The following NFKB1 variants were observed in gnomAD, a reference collection of about 807,000 sequenced individuals.
NFKB1 encodes nuclear factor kappa B subunit 1.
In NFKB1, 9 loss-of-function variants were observed where a neutral mutation model predicts 105.1. The ratio of observed to expected loss-of-function variants is 0.09; its 90% confidence interval spans 0.05 to 0.15. The LOEUF (loss-of-function observed/expected upper bound fraction) is 0.15. Ranked by LOEUF, NFKB1 falls within the 10% of genes least tolerant of loss-of-function variation. The pLI, the probability that NFKB1 is intolerant of heterozygous loss-of-function variation, is 1.00. For synonymous variants in NFKB1, 440 were observed against 442.2 expected (o/e 1.00, Z 0.06); for missense variants, 830 against 1,203.7 (o/e 0.69, Z 4.59).
At chr4:102,510,971 T>C in intron 1 of NFKB1, 1 of 1,275,394 alleles carries the variant, frequency 7.8e-7, no homozygotes, top group South Asian at 1.3e-5. Context: ...AGAAAAAGAG[T>C]GTTAAAAAGT....
intron 1 of NFKB1, among the ~76,000 whole-genome samples, chr4:102,524,318 G>T (rs181611737): frequency 6.6e-6 from 1 of 152,228 alleles, no homozygotes; most frequent in African/African-American, 2.4e-5. Flanking sequence ...ATGTTTAGCT[G>T]GAGTTGATTA....
chr4:102,530,856 A>G (rs953858776), intron 3 of NFKB1, among the ~76,000 whole-genome samples: 3 of 152,138 alleles, frequency 2.0e-5, no homozygotes, highest in South Asian at 2.1e-4. Flanking sequence ...TAGATCTACT[A>G]TACTTTCACC....
chr4:102,511,391 C>T (rs1209177722), intron 1 of NFKB1, among the ~76,000 whole-genome samples: 1 of 152,216 alleles, frequency 6.6e-6, no homozygotes, highest in Non-Finnish European at 1.5e-5. Flanking sequence ...TTAAAATTTT[C>T]TTGCTGGGCG....
chr4:102,556,941 C>A (rs947948978), intron 5 of NFKB1, among the ~76,000 whole-genome samples: 2 of 151,650 alleles, frequency 1.3e-5, no homozygotes, highest in African/African-American at 4.9e-5. Context: ...CATCTGTAGA[C>A]AAGGGAAAAA....
chr4:102,549,357 A>G (rs931404508), intron 5 of NFKB1, among the ~76,000 whole-genome samples: 2 of 148,630 alleles, frequency 1.3e-5, no homozygotes, highest in African/African-American at 2.4e-5. Context: ...AAAATAATAT[A>G]TATTATTCTA....
chr4:102,547,558 C>T (rs2149138877), intron 5 of NFKB1, among the ~76,000 whole-genome samples: 1 of 152,240 alleles, frequency 6.6e-6, no homozygotes, highest in Non-Finnish European at 1.5e-5. Flanking sequence ...GCTTCCTTAT[C>T]TATGAAACTG....
chr4:102,514,465 G>T (rs183126859), intron 1 of NFKB1, among the ~76,000 whole-genome samples: 43 of 152,048 alleles, frequency 2.8e-4, no homozygotes, highest in Non-Finnish European at 5.0e-4. Context: ...TGCCAGTTGC[G>T]GACACAGCAT....
In NFKB1 at chr4:102,530,830, A is replaced by G. The variant is rs149509945; in HGVS notation, c.118+916A>G. ...ATATCTTTAGTATTTCTAGGAGTTCATGGGAGGGAAAAAAGTAGATCTACT... is the reference window on the plus strand; with the variant it reads ...ATATCTTTAGTATTTCTAGGAGTTCGTGGGAGGGAAAAAAGTAGATCTACT... On this transcript the variant is annotated intron_variant, in intron 3 of 23. Coordinates refer to ENST00000226574, the MANE Select transcript of NFKB1 (RefSeq NM_003998.4). Among the ~76,000 whole-genome samples, 790 of 152,268 alleles carry G rather than the reference A, an allele frequency of 5.2e-3. 12 individuals carry two copies. The highest frequency in any genetic ancestry group is 0.018 in the African/African-American group (757 of 41,564).
At chr4:102,570,531 A>G (rs1241461321) in intron 6 of NFKB1, among the ~76,000 whole-genome samples, 3 of 152,174 alleles carry the variant, frequency 2.0e-5, no homozygotes, top group African/African-American at 4.8e-5. Flanking sequence ...ATTAACATGC[A>G]TGTGTCTTTA....
At chr4:102,577,063 G>T (rs371141633) in intron 7 of NFKB1, 24 bp downstream of exon 7, 34 of 1,602,388 alleles carry the variant, frequency 2.1e-5, no homozygotes, top group Middle Eastern at 1.7e-4. Flanking sequence ...TCCTGGCCTT[G>T]ATCCTCCAAG....
At chr4:102,593,383 A>G (rs755922969) in intron 11 of NFKB1, 42 bp from the exon 12 acceptor site, 42 of 1,580,468 alleles carry the variant, frequency 2.7e-5, no homozygotes, top group Non-Finnish European at 3.3e-5. Flanking sequence ...GGTGGGACCA[A>G]ATCAATCTTT....
chr4:102,511,752 A>G (rs1739796887), intron 1 of NFKB1, among the ~76,000 whole-genome samples: 1 of 152,238 alleles, frequency 6.6e-6, no homozygotes, highest in Non-Finnish European at 1.5e-5. Context: ...CCATAGCTAA[A>G]AAAGTACACA....
intron 5 of NFKB1, among the ~76,000 whole-genome samples, chr4:102,541,597 G>C (rs1742002534): frequency 6.6e-6 from 1 of 152,182 alleles, no homozygotes; most frequent in African/African-American, 2.4e-5. Context: ...TAGGTCCACT[G>C]TGTGTGAACA....
chr4:102,614,559 A>C (rs1028051827), intron 23 of NFKB1, among the ~76,000 whole-genome samples: 1 of 151,926 alleles, frequency 6.6e-6, no homozygotes, highest in African/African-American at 2.4e-5. Context: ...CCAGCTTGCC[A>C]CCTTCCACCC....
At chr4:102,532,490 A>T (rs1741360249) in intron 3 of NFKB1, among the ~76,000 whole-genome samples, 1 of 152,084 alleles carries the variant, frequency 6.6e-6, no homozygotes, top group Non-Finnish European at 1.5e-5. Flanking sequence ...TTAGCTGGGC[A>T]TGGTGGTAGG....
At chr4:102,526,055 G>A (rs1021540837) in intron 2 of NFKB1, among the ~76,000 whole-genome samples, 3 of 152,202 alleles carry the variant, frequency 2.0e-5, no homozygotes, top group East Asian at 1.9e-4. Context: ...TCTTCCCGGC[G>A]TGTCTCTACT....
intron 5 of NFKB1, among the ~76,000 whole-genome samples, chr4:102,543,982 T>C (rs1297309332): frequency 6.6e-5 from 10 of 152,290 alleles, no homozygotes; most frequent in Admixed American, 5.9e-4. Context: ...TACATTATAC[T>C]GTGTGTTTTG....
intron 20 of NFKB1, 32 bp downstream of exon 20, chr4:102,610,731 C>G (rs1728327311): frequency 6.2e-7 from 1 of 1,609,962 alleles, no homozygotes; most frequent in South Asian, 1.1e-5. Context: ...TGATGGCTGC[C>G]CCTGAGGGAG....
At chr4:102,538,381 T>C (rs1419238012) in intron 5 of NFKB1, among the ~76,000 whole-genome samples, 3 of 152,234 alleles carry the variant, frequency 2.0e-5, no homozygotes, top group Non-Finnish European at 4.4e-5. Flanking sequence ...TGTTATTAGC[T>C]GTGTAGCTTT....
Sources: gnomAD v4.1 joint callset for allele counts (sites outside exome capture counted in the v4.1 genomes callset) on GRCh38, gnomAD v4.1.1 for gene constraint, MANE v1.5 for transcripts, NCBI Gene and HGNC (gene_info 2026-07-23, HGNC 2026-07-21) for gene names.